PTPRT: variants seen among roughly 807,000 people sequenced by gnomAD.
PTPRT encodes the protein protein tyrosine phosphatase receptor type T, also known as receptor-type tyrosine-protein phosphatase T.
A neutral mutation model predicts 176.8 loss-of-function variants in PTPRT; 56 were observed. That is an observed-to-expected ratio of 0.32 (90% CI 0.26 to 0.40). The LOEUF (loss-of-function observed/expected upper bound fraction) is 0.40. PTPRT is among the 10% of genes least tolerant of loss of function. PTPRT has a pLI of 1.00. For synonymous variants in PTPRT, 783 were observed against 739.0 expected, an observed-to-expected ratio of 1.06 and a Z score of -0.96; for missense variants, 1,540 against 1,908.2, an observed-to-expected ratio of 0.81 and a Z score of 3.60.
chr20:42,877,629 T>A (rs775882853), intron 2 of PTPRT, among the ~76,000 whole-genome samples: 1 of 152,122 alleles, frequency 6.6e-6, no homozygotes, highest in East Asian at 1.9e-4. Context: ...TAACAAACAT[T>A]TGCCGCTACC....
chr20:43,058,452 G>T (rs1987328070), intron 1 of PTPRT, among the ~76,000 whole-genome samples: 1 of 151,994 alleles, frequency 6.6e-6, no homozygotes, highest in Non-Finnish European at 1.5e-5. Context: ...TGGAAGGAAA[G>T]GAGAGAGGGA....
intron 1 of PTPRT, among the ~76,000 whole-genome samples, chr20:43,069,901 C>A (rs1193912842): frequency 6.6e-6 from 1 of 152,126 alleles, no homozygotes. Context: ...TCCTATTTTG[C>A]CAGGAAAGAT....
At chr20:42,523,803 A>AATAT (rs11472132) in intron 7 of PTPRT, among the ~76,000 whole-genome samples, 1 of 151,782 alleles carries the variant, frequency 6.6e-6, no homozygotes, top group Non-Finnish European at 1.5e-5. Context: ...TTCAGAAATT[A>AATAT]ATATATATAT....
chr20:42,253,560 G>T (rs947620744), intron 13 of PTPRT, among the ~76,000 whole-genome samples: 24 of 152,114 alleles, frequency 1.6e-4, no homozygotes, highest in African/African-American at 5.8e-4. Context: ...GGAGGGATTT[G>T]GGTGCATCTT....
At chr20:42,439,344 G>A (rs2059291577) in intron 9 of PTPRT, among the ~76,000 whole-genome samples, 1 of 152,192 alleles carries the variant, frequency 6.6e-6, no homozygotes, top group Non-Finnish European at 1.5e-5. Context: ...ATTTGCAAGG[G>A]AAGGTCTGTG....
chr20:42,886,018 G>A, intron 1 of PTPRT, 86 bp from the exon 2 acceptor site: 1 of 1,143,632 alleles, frequency 8.7e-7, no homozygotes, highest in South Asian at 2.4e-5. Context: ...TTCATTTACA[G>A]CTTTGAATTT....
At chr20:43,087,389 CT>C (rs1182412793) in intron 1 of PTPRT, among the ~76,000 whole-genome samples, 14 of 17,866 alleles carry the variant, frequency 7.8e-4, no homozygotes, top group Non-Finnish European at 8.6e-4. Context: ...TTTTTTTTTT[CT>C]CCGAAACAGG....
intron 1 of PTPRT, among the ~76,000 whole-genome samples, chr20:43,059,563 C>A (rs1389615243): frequency 6.6e-6 from 1 of 152,180 alleles, no homozygotes; most frequent in Non-Finnish European, 1.5e-5. Flanking sequence ...AGCAGAATGG[C>A]CTTTACCATC....
intron 12 of PTPRT, among the ~76,000 whole-genome samples, chr20:42,303,590 A>G (rs537436222): frequency 2.0e-5 from 3 of 152,218 alleles, no homozygotes; most frequent in Non-Finnish European, 4.4e-5. Context: ...TCAGCAAATC[A>G]TAGCCTCTCA....
chr20:42,195,153 A>G (rs1376519316), intron 16 of PTPRT, among the ~76,000 whole-genome samples: 1 of 152,202 alleles, frequency 6.6e-6, no homozygotes. Context: ...CTTAAAGCAT[A>G]ATAAAAAAAA....
intron 1 of PTPRT, among the ~76,000 whole-genome samples, chr20:42,896,644 A>T (rs957288058): frequency 0.018 from 2,790 of 151,834 alleles, 106 homozygotes; most frequent in African/African-American, 0.064. Flanking sequence ...TCAAAAAAAA[A>T]AAAAAAAAAA....
intron 2 of PTPRT, among the ~76,000 whole-genome samples, chr20:42,873,899 A>G (rs1289638813): frequency 6.6e-6 from 1 of 152,238 alleles, no homozygotes; most frequent in Non-Finnish European, 1.5e-5. Flanking sequence ...GACTATATTT[A>G]TACTAAACTA....
intron 1 of PTPRT, among the ~76,000 whole-genome samples, chr20:43,044,965 T>C (rs1053687211): frequency 1.3e-5 from 2 of 152,250 alleles, no homozygotes; most frequent in Non-Finnish European, 2.9e-5. Flanking sequence ...GTCTGGCATA[T>C]GACTACTTAA....
Position 42,236,249 on chromosome 20 carries a change from A to G in PTPRT, c.2322T>C (p.Ala774=). 1.2e-6 allele frequency: 2 copies of G among 1,603,946 alleles called. No homozygotes were observed. The highest frequency in any genetic ancestry group is 2.2e-5 in the South Asian group (2 of 90,582). The change falls in exon 15 of 31, where the codon GCT becomes GCC. Residue 774 remains alanine (A), a synonymous_variant. Transcript: ENST00000373187. ...CTTACAAGTAATAGGAGTAGGAATAAGCATTTCTTCTATATATTGATGGGC... is the reference window on the plus strand; with the variant it reads ...CTTACAAGTAATAGGAGTAGGAATAGGCATTTCTTCTATATATTGATGGGC... ...VMLTIKRRRN[A]YSYSYYLKLA...
At position 42,951,413 on chromosome 20, in the gene PTPRT, G is replaced by T. The variant is rs1981242737; in HGVS notation, c.89-65481C>A. 1.4e-4 allele frequency among the ~76,000 whole-genome samples: 21 copies of T among 152,132 alleles called. No homozygotes were observed. The South Asian group carries it at 4.0e-3, about 29-fold the overall frequency. ...AATAGATGGGGGGGTGGGTAAGCGA[G>T]TGGATGGATGGATGATAGAGAAATC... is the stretch of plus-strand genomic sequence containing the variant. On this transcript the variant is annotated intron_variant, in intron 1 of 30. Transcript: ENST00000373187.
chr20:42,914,284 T>G (rs901797008), intron 1 of PTPRT, among the ~76,000 whole-genome samples: 1 of 152,164 alleles, frequency 6.6e-6, no homozygotes, highest in Non-Finnish European at 1.5e-5. Flanking sequence ...CATGTCAGGT[T>G]TTTATATTTT....
rs929848143 is a variant in PTPRT, at chr20:42,246,168, G to C, written c.2312+2519C>G. Reference sequence around the variant, plus strand: ...TATATTGATATATATATGCAGCTGGGGGGTAGCTGGGGACAGAAGAGGTAC... The same window carrying C: ...TATATTGATATATATATGCAGCTGGCGGGTAGCTGGGGACAGAAGAGGTAC... On this transcript the variant is annotated intron_variant, in intron 14 of 30. Transcript: ENST00000373187. Among the ~76,000 whole-genome samples, 3 of 152,104 alleles carry C rather than the reference G, an allele frequency of 2.0e-5. No individual in the cohort carries two copies. The South Asian group carries it at 6.2e-4, about 32-fold the overall frequency.
intron 1 of PTPRT, among the ~76,000 whole-genome samples, chr20:42,984,462 G>A (rs968597465): frequency 3.9e-5 from 6 of 152,150 alleles, no homozygotes; most frequent in Non-Finnish European, 5.9e-5. Flanking sequence ...ATAAAGATAA[G>A]AGCTTTCTCA....
intron 8 of PTPRT, among the ~76,000 whole-genome samples, chr20:42,448,846 T>G (rs1026014821): frequency 3.5e-5 from 5 of 142,008 alleles, no homozygotes; most frequent in African/African-American, 5.5e-5. Context: ...ACACGAACGA[T>G]AGTTCATGAG....
Sources: gnomAD v4.1 joint callset for allele counts (sites outside exome capture counted in the v4.1 genomes callset) on GRCh38, gnomAD v4.1.1 for gene constraint, MANE v1.5 for transcripts, NCBI Gene and HGNC (gene_info 2026-07-23, HGNC 2026-07-21) for gene names.